The following ZBTB17 variants were observed in gnomAD, a reference collection of about 807,000 sequenced individuals.
ZBTB17 encodes zinc finger and BTB domain containing 17.
A neutral mutation model predicts 85.1 loss-of-function variants in ZBTB17; 24 were observed. That is an observed-to-expected ratio of 0.28 (90% CI 0.20 to 0.40). ZBTB17 has a LOEUF of 0.40. Among genes scored for constraint, ZBTB17 ranks in the 10% least tolerant of loss-of-function variants. The pLI is 1.00. For synonymous variants in ZBTB17, 464 were observed against 460.2 expected (o/e 1.01, Z -0.11); for missense variants, 743 against 1,105.1 (o/e 0.67, Z 4.65).
rs745739495 is a variant in ZBTB17, at chr1:15,976,024, G to C, written c.-131C>G. On this transcript the variant is annotated 5_prime_UTR_variant, in exon 1 of 16. Transcript: ENST00000375743. The stretch of plus-strand genomic sequence containing the variant: ...CCCACCGCAGAGGGAGGTGCATCAC[G>C]GCCGCGAGAAGGCCGGGGACGGCAC... 1.4e-6 allele frequency: 1 copy of C among 698,000 alleles called. No homozygotes were observed. Among genetic ancestry groups the C allele is most frequent in the South Asian group, 1.5e-5 (1 of 66,878 alleles). 43.2% of individuals were successfully genotyped at this position (698,000 alleles called of 1,614,324 possible).
intron 13 of ZBTB17, 64 bp downstream of exon 13, chr1:15,943,000 C>G: frequency 6.3e-7 from 1 of 1,598,472 alleles, no homozygotes; most frequent in Non-Finnish European, 8.5e-7. Context: ...CCCTTCCTTC[C>G]CCCTGCTCCC....
rs2071823621 is a variant in ZBTB17, at chr1:15,951,234, A to T, written c.-2-2737T>A. On this transcript the variant is annotated intron_variant, in intron 2 of 15. Transcript: ENST00000375743. This position sits in a 1 kb window ranked among gnomAD's most constrained non-coding sequence, Gnocchi z 4.1. Reference sequence around the variant, plus strand: ...GAAACGCACCAAAAGGGAAGAAAACAGGAGAAATGATAAGAAGGGGGGAGG... The same window carrying T: ...GAAACGCACCAAAAGGGAAGAAAACTGGAGAAATGATAAGAAGGGGGGAGG... Among the ~76,000 whole-genome samples the T allele has an allele frequency of 6.6e-6, 1 of 151,314 alleles. No homozygotes were observed. The highest frequency in any genetic ancestry group is 6.6e-5 in the Admixed American group (1 of 15,194).
intron 2 of ZBTB17, among the ~76,000 whole-genome samples, chr1:15,971,827 G>A (rs925920344): frequency 1.3e-5 from 2 of 151,742 alleles, no homozygotes; most frequent in Admixed American, 1.3e-4. Flanking sequence ...CTGAGTAAAA[G>A]GCTTGCTGTC....
At chr1:15,946,103 G>A (rs1033453336) in intron 5 of ZBTB17, 51 bp downstream of exon 5, 13 of 1,600,518 alleles carry the variant, frequency 8.1e-6, no homozygotes, top group Non-Finnish European at 1.0e-5. Flanking sequence ...CTGTGCCCAG[G>A]CTGCTGGGAG....
At chr1:15,972,675 T>C (rs1429780995) in intron 2 of ZBTB17, among the ~76,000 whole-genome samples, 1 of 152,186 alleles carries the variant, frequency 6.6e-6, no homozygotes, top group African/African-American at 2.4e-5. Flanking sequence ...AAAAGCCACA[T>C]TATCAAAGGA....
Position 15,945,126 on chromosome 1 carries a change from C to T in ZBTB17, c.738G>A (p.Gly246=). ...AACCCTCCTCCTTGACCTCAGCTGG[C>T]CCTGCGCCCTCCTCCTCTTGCTCCT... is the stretch of plus-strand genomic sequence containing the variant. ...EQEEQEEEGA[G]PAEVKEEGSQ... The change falls in exon 7 of 16, where the codon GGG becomes GGA. Residue 246 remains glycine, a synonymous_variant. Transcript: ENST00000375743. 1.2e-6 allele frequency: 2 copies of T among 1,603,878 alleles called. No individual in the cohort carries two copies. Among genetic ancestry groups the T allele is most frequent in the Non-Finnish European group, 8.5e-7 (1 of 1,175,362 alleles).
At position 15,953,641 on chromosome 1, in the gene ZBTB17, G is replaced by T. The variant is rs1003781339; in HGVS notation, c.-2-5144C>A. 6.6e-6 allele frequency among the ~76,000 whole-genome samples: 1 copy of T among 151,900 alleles called. No individual in the cohort carries two copies. Among genetic ancestry groups the T allele is most frequent in the Non-Finnish European group, 1.5e-5 (1 of 67,958 alleles). ...CCACTCTGGTGCCAAGTTCCATACT[G>T]CTGCCTCCACGACGCAGGGATTCCA... On this transcript the variant is annotated intron_variant, in intron 2 of 15. Coordinates refer to ENST00000375743, the MANE Select transcript of ZBTB17 (RefSeq NM_003443.3). The surrounding 1 kb of genome is among the most constrained non-coding windows in gnomAD (Gnocchi z 5.1).
rs1308907443 is a variant in ZBTB17, at chr1:15,952,207, T to C, written c.-2-3710A>G. Among the ~76,000 whole-genome samples the C allele has an allele frequency of 3.3e-5, 5 of 152,164 alleles. No homozygotes were observed. The highest frequency in any genetic ancestry group is 7.4e-5 in the Non-Finnish European group (5 of 68,022). ...GACCTGACCCCCACTCACAAAGTCTTAGCTGCAATCGGGCACCTTTTCCCA... is the reference window on the plus strand; with the variant it reads ...GACCTGACCCCCACTCACAAAGTCTCAGCTGCAATCGGGCACCTTTTCCCA... On this transcript the variant is annotated intron_variant, in intron 2 of 15. Coordinates refer to ENST00000375743, the MANE Select transcript of ZBTB17 (RefSeq NM_003443.3). This position sits in a 1 kb window ranked among gnomAD's most constrained non-coding sequence, Gnocchi z 4.3.
In ZBTB17 at chr1:15,943,296, G is replaced by A. The variant is rs558771536; in HGVS notation, c.1698-102C>T. 8.3e-5 allele frequency: 132 copies of A among 1,595,042 alleles called. 1 individual carries two copies. Among genetic ancestry groups the A allele is most frequent in the South Asian group, 5.8e-4 (52 of 89,342 alleles). ...GACCCCTAGGACCAGAGCCTGGGGC[G>A]TGGGCAGCAGTCAGCTCAGTCCCCA... On this transcript the variant is annotated intron_variant, in intron 12 of 15. Transcript: ENST00000375743.
intron 2 of ZBTB17, among the ~76,000 whole-genome samples, chr1:15,957,997 A>G (rs2072112665): frequency 6.6e-6 from 1 of 152,210 alleles, no homozygotes; most frequent in Admixed American, 6.5e-5. Context: ...CAAGATATCC[A>G]TGGAAGCAGG....
chr1:15,972,163 C>T (rs1416510296), intron 2 of ZBTB17, among the ~76,000 whole-genome samples: 2 of 152,234 alleles, frequency 1.3e-5, no homozygotes, highest in Admixed American at 6.5e-5. Flanking sequence ...TGAGGATACA[C>T]ATGGCTGGGA....
chr1:15,963,214 T>C (rs1415106321), intron 2 of ZBTB17, among the ~76,000 whole-genome samples: 1 of 152,212 alleles, frequency 6.6e-6, no homozygotes, highest in African/African-American at 2.4e-5. Flanking sequence ...ATGAAAACTA[T>C]GAAACAACTC....
At chr1:15,975,910 C>G in intron 1 of ZBTB17, 73 bp downstream of exon 1, 1 of 693,606 alleles carries the variant, frequency 1.4e-6, no homozygotes, top group Non-Finnish European at 2.6e-6. Flanking sequence ...GGCGTCCCAC[C>G]GCGCCCCATC....
chr1:15,970,010 T>C, intron 2 of ZBTB17: 2 of 803,956 alleles, frequency 2.5e-6, no homozygotes, highest in Non-Finnish European at 4.1e-6. Context: ...ATGGATAGCA[T>C]TCACTGGGAT....
In ZBTB17 at chr1:15,952,382, C is replaced by T. The variant is rs572841484; in HGVS notation, c.-2-3885G>A. 6.6e-6 allele frequency among the ~76,000 whole-genome samples: 1 copy of T among 152,344 alleles called. No individual in the cohort carries two copies. Among genetic ancestry groups the T allele is most frequent in the East Asian group, 1.9e-4 (1 of 5,178 alleles). On this transcript the variant is annotated intron_variant, in intron 2 of 15. Coordinates refer to ENST00000375743, the MANE Select transcript of ZBTB17 (RefSeq NM_003443.3). This position sits in a 1 kb window ranked among gnomAD's most constrained non-coding sequence, Gnocchi z 4.3. ...CAAAAAAGTGAGGCACTGAGGACACCTGCAGTGTGAGTCCGGACAGGCACA... is the reference window on the plus strand; with the variant it reads ...CAAAAAAGTGAGGCACTGAGGACACTTGCAGTGTGAGTCCGGACAGGCACA...
At position 15,975,988 on chromosome 1, in the gene ZBTB17, A is replaced by T. The variant is rs1315765638; in HGVS notation, c.-95T>A. 1 of 699,868 alleles carries T rather than the reference A, an allele frequency of 1.4e-6. No individual in the cohort carries two copies. The highest frequency in any genetic ancestry group is 2.6e-6 in the Non-Finnish European group (1 of 383,550). 43.4% of individuals were successfully genotyped at this position (699,868 alleles called of 1,614,324 possible). A position where few individuals can be genotyped will look rare whatever the true frequency, so the allele number is the denominator to read the frequency against. ...GGGCGATTGTTGACACTCACCTGCC[A>T]TGTCCCGGACCCCACCGCAGAGGGA... is the stretch of plus-strand genomic sequence containing the variant. On this transcript the variant is annotated 5_prime_UTR_variant, in exon 1 of 16. The change abolishes an upstream ATG in the 5' untranslated region. Transcript: ENST00000375743.
Position 15,942,623 on chromosome 1 carries a change from G to T in ZBTB17, c.1944C>A (p.Pro648=). The change falls in exon 14 of 16, where the codon CCC becomes CCA. Residue 648 remains proline, a synonymous_variant. Transcript: ENST00000375743. ...CCACGCTGACCTCACTGCCCTCCTC[G>T]GGCTCCAGGATCTTGATGCCTGCCT... is the stretch of plus-strand genomic sequence containing the variant. ...QGKAGIKILE[P]EEGSEVSVVT... 1 of 1,613,484 alleles carries T rather than the reference G, an allele frequency of 6.2e-7. No individual in the cohort carries two copies. The highest frequency in any genetic ancestry group is 8.5e-7 in the Non-Finnish European group (1 of 1,180,034).
rs1003502066 is a variant in ZBTB17, at chr1:15,942,037, C to A, written c.2344G>T (p.Ala782Ser). The A allele has an allele frequency of 1.2e-6, 2 of 1,610,768 alleles. No homozygotes were observed. Among genetic ancestry groups the A allele is most frequent in the African/African-American group, 2.7e-5 (2 of 74,942 alleles). The change falls in exon 16 of 16, where the codon GCT (alanine) becomes TCT (serine). Residue 782 changes from alanine to serine, a missense_variant. Around this residue, in one of 4 missense-constraint regions of ZBTB17, gnomAD observed 69 missense variants for 77.0 expected, o/e 0.90. Coordinates refer to ENST00000375743, the MANE Select transcript of ZBTB17 (RefSeq NM_003443.3). The part of the protein sequence containing the change: ...GELVFRPRDG[A>S]EGQPALAETS... ...TCTGCCAGTGCGGGCTGGCCCTCAGCCCCGTCGCGAGGGCGGAAGACCAGC... is the reference window on the plus strand; with the variant it reads ...TCTGCCAGTGCGGGCTGGCCCTCAGACCCGTCGCGAGGGCGGAAGACCAGC...
intron 2 of ZBTB17, among the ~76,000 whole-genome samples, chr1:15,958,779 C>T (rs981599529): frequency 6.6e-6 from 1 of 152,172 alleles, no homozygotes; most frequent in African/African-American, 2.4e-5. Flanking sequence ...GACCTTTGGG[C>T]AGGGGACAGC....
Sources: allele counts gnomAD v4.1 joint callset (sites outside exome capture counted in the v4.1 genomes callset), GRCh38; gene constraint gnomAD v4.1.1; regional missense constraint gnomAD v4.1.1; non-coding constraint Gnocchi (gnomAD v3.1); transcripts MANE v1.5; gene names NCBI Gene and HGNC (gene_info 2026-07-23, HGNC 2026-07-21).